Variants in SMARCE1 observed in about 807,000 individuals in gnomAD.
The protein encoded by SMARCE1 is SWI/SNF related BAF chromatin remodeling complex subunit E1.
In SMARCE1, 13 loss-of-function variants were observed where a neutral mutation model predicts 54.9. The observed-to-expected ratio is 0.24, with a 90% CI of 0.15 to 0.38. The LOEUF is 0.38. SMARCE1 is among the 10% of genes least tolerant of loss of function. The pLI, the probability that SMARCE1 is intolerant of heterozygous loss-of-function variation, is 1.00. For synonymous variants in SMARCE1, 151 were observed against 175.3 expected (o/e 0.86, Z 1.10); for missense variants, 295 against 523.8 (o/e 0.56, Z 4.26).
In SMARCE1 at chr17:40,635,964, A is replaced by G. The variant is rs2037142413; in HGVS notation, c.508T>C (p.Tyr170His). The change falls in exon 7 of 11, where the codon TAC (tyrosine) becomes CAC (histidine). Residue 170 changes from tyrosine to histidine, a missense_variant. Physicochemically the swap from Tyr to His is moderately conservative, Grantham distance 83. This residue lies in a region of SMARCE1 where 101 missense variants were observed against 183.1 expected (regional missense o/e 0.55). Transcript: ENST00000348513. ...TCTTCAGCAGGCTGAATGCTCATGT[A>G]CGGTTCTCCTTTCTCCATGCGAGAT... is the stretch of plus-strand genomic sequence containing the variant. ...RQSRMEKGEP[Y>H]MSIQPAEDPD... The G allele has an allele frequency of 6.2e-7, 1 of 1,611,406 alleles. No individual in the cohort carries two copies. The highest frequency in any genetic ancestry group is 1.7e-5 in the Admixed American group (1 of 59,478).
intron 9 of SMARCE1, 156 bp from the exon 10 acceptor site, chr17:40,631,080 G>C (rs896643947): frequency 6.6e-6 from 4 of 602,718 alleles, no homozygotes; most frequent in African/African-American, 5.6e-5. Context: ...TGTGGTTCTA[G>C]GTCTTCTCTG....
chr17:40,642,413 T>C lies in SMARCE1; in HGVS notation c.156+42A>G, dbSNP rs771728134. On this transcript the variant is annotated intron_variant, in intron 4 of 10. Coordinates refer to ENST00000348513, the MANE Select transcript of SMARCE1 (RefSeq NM_003079.5). The surrounding 1 kb of genome is among the most constrained non-coding windows in gnomAD (Gnocchi z 4.6). Reference sequence around the variant, plus strand: ...TAATTCTGAAGGCATTTCTGGTCAATTCCAGTTGTTTGCCGGATGCTGTAA... The same window carrying C: ...TAATTCTGAAGGCATTTCTGGTCAACTCCAGTTGTTTGCCGGATGCTGTAA... 2.5e-6 allele frequency: 3 copies of C among 1,209,876 alleles called. No homozygotes were observed. The highest frequency in any genetic ancestry group is 3.7e-6 in the Non-Finnish European group (3 of 810,948). 74.9% of individuals were successfully genotyped at this position (1,209,876 alleles called of 1,614,324 possible). A position where few individuals can be genotyped will look rare whatever the true frequency, so the allele number is the denominator to read the frequency against.
chr17:40,644,141 CAA>C (rs570764594), intron 3 of SMARCE1: 1 of 151,172 alleles, frequency 6.6e-6, no homozygotes, highest in Non-Finnish European at 1.5e-5. Context: ...TAAAGAAAGG[CAA>C]AAAAAATTCC....
At chr17:40,630,096 G>T in intron 10 of SMARCE1, 1 of 656,458 alleles carries the variant, frequency 1.5e-6, no homozygotes, top group Non-Finnish European at 2.7e-6. Context: ...GTACTAGGCA[G>T]TGTTAAAACA....
intron 4 of SMARCE1, chr17:40,641,045 C>T (rs902678604): frequency 2.0e-5 from 3 of 152,182 alleles, no homozygotes; most frequent in Non-Finnish European, 4.4e-5. Context: ...CATTTCTATT[C>T]CATTAACATA....
rs1241093541 is a variant in SMARCE1 at position 40,627,572 on chromosome 17, T to C, written c.*1213A>G. 5 of 152,470 alleles carry C rather than the reference T, an allele frequency of 3.3e-5. No individual in the cohort carries two copies. The highest frequency in any genetic ancestry group is 4.8e-5 in the African/African-American group (2 of 41,448). The allele number at this position is 152,470 out of a possible 1,614,324, so 9.4% of individuals were successfully genotyped here. A position where few individuals can be genotyped will look rare whatever the true frequency, so the allele number is the denominator to read the frequency against. ...AAGCTACTGCAGCAGTTTATAGAGATAGTTGGGTGAGACAAGGGCCCTGAG... is the reference window on the plus strand; with the variant it reads ...AAGCTACTGCAGCAGTTTATAGAGACAGTTGGGTGAGACAAGGGCCCTGAG... On this transcript the variant is annotated 3_prime_UTR_variant, in exon 11 of 11. Transcript: ENST00000348513.
intron 9 of SMARCE1, chr17:40,631,177 G>C (rs2037091566): frequency 2.4e-6 from 1 of 409,376 alleles, no homozygotes; most frequent in South Asian, 5.3e-5. Flanking sequence ...GCAAAATAGT[G>C]AAAGTTCTGG....
In SMARCE1 at chr17:40,631,965, C is replaced by A. The variant is rs763126850; in HGVS notation, c.714+230G>T. 5.5e-5 allele frequency: 30 copies of A among 545,314 alleles called. 1 individual carries two copies. Among genetic ancestry groups the A allele is most frequent in the African/African-American group, 1.5e-4 (8 of 52,886 alleles). The allele number at this position is 545,314 out of a possible 1,614,324, so 33.8% of individuals were successfully genotyped here. ...ATGCCTCAAAATTCTTAAGTTCACACGTATTTCTTAACGAATATACTTTCC... is the reference window on the plus strand; with the variant it reads ...ATGCCTCAAAATTCTTAAGTTCACAAGTATTTCTTAACGAATATACTTTCC... On this transcript the variant is annotated intron_variant, in intron 8 of 10. Transcript: ENST00000348513.
intron 10 of SMARCE1, chr17:40,630,256 G>A (rs541015011): frequency 5.8e-6 from 9 of 1,546,078 alleles, no homozygotes; most frequent in African/African-American, 5.5e-5. Context: ...AGAAGTAAGG[G>A]TTTTTCTAGG....
chr17:40,637,878 GT>G lies in SMARCE1; in HGVS notation c.157-307del, dbSNP rs568030076. 1,394 of 373,088 alleles carry G rather than the reference GT, an allele frequency of 3.7e-3. 7 individuals carry two copies. Among genetic ancestry groups the G allele is most frequent in the South Asian group, 0.013 (518 of 41,380 alleles). 23.1% of individuals were successfully genotyped at this position (373,088 alleles called of 1,614,324 possible). On this transcript the variant is annotated intron_variant, in intron 4 of 10. Coordinates refer to ENST00000348513, the MANE Select transcript of SMARCE1 (RefSeq NM_003079.5). Reference sequence around the variant, plus strand: ...TATGGTTATATATCAACCGTCTCAAGTTCAGGACATTACCTGGTACCCTCTT... The same window carrying G: ...TATGGTTATATATCAACCGTCTCAAGTCAGGACATTACCTGGTACCCTCTT...
intron 3 of SMARCE1, chr17:40,643,241 T>C (rs1463656635): frequency 6.6e-6 from 1 of 152,244 alleles, no homozygotes; most frequent in Admixed American, 6.5e-5. Flanking sequence ...CTGATCTTTT[T>C]AACCCAGTCA....
chr17:40,637,364 C>T (rs1303152152), intron 5 of SMARCE1, 128 bp downstream of exon 5: 4 of 767,172 alleles, frequency 5.2e-6, no homozygotes, highest in Non-Finnish European at 7.0e-6. Flanking sequence ...GCTTTAAAAA[C>T]CGTATTTTTT....
At chr17:40,637,265 A>C (rs901567839) in intron 5 of SMARCE1, 1 of 544,534 alleles carries the variant, frequency 1.8e-6, no homozygotes, top group African/African-American at 1.9e-5. Context: ...ATGGCTATAG[A>C]ACATTCTATC....
chr17:40,640,669 T>G (rs538441382), intron 4 of SMARCE1: 6 of 152,288 alleles, frequency 3.9e-5, no homozygotes, highest in African/African-American at 1.4e-4. Flanking sequence ...GTGTAAAACC[T>G]CCACATTTTC....
intron 7 of SMARCE1, chr17:40,633,478 A>G (rs2037116351): frequency 6.6e-6 from 1 of 152,160 alleles, no homozygotes; most frequent in Non-Finnish European, 1.5e-5. Context: ...TTAGTAATAC[A>G]TATTAAAACA....
intron 4 of SMARCE1, among the ~76,000 whole-genome samples, chr17:40,639,371 GT>G (rs1200632377): frequency 6.6e-6 from 1 of 152,076 alleles, no homozygotes; most frequent in Non-Finnish European, 1.5e-5. Flanking sequence ...TACAAATAAA[GT>G]TGGAATTGTG....
At chr17:40,640,180 T>C (rs1320772900) in intron 4 of SMARCE1, 1 of 152,214 alleles carries the variant, frequency 6.6e-6, no homozygotes, top group Non-Finnish European at 1.5e-5. Flanking sequence ...CAAGAACTTA[T>C]TTAAGAGCTT....
intron 1 of SMARCE1, 146 bp from the exon 2 acceptor site, chr17:40,645,993 A>G (rs2037251886): frequency 2.6e-6 from 1 of 391,570 alleles, no homozygotes; most frequent in African/African-American, 2.1e-5. Context: ...CCTTTTGTGT[A>G]TTTTAACTAG....
intron 10 of SMARCE1, 77 bp from the exon 11 acceptor site, chr17:40,629,070 T>C: frequency 1.6e-6 from 2 of 1,232,948 alleles, no homozygotes; most frequent in Non-Finnish European, 2.4e-6. Context: ...ACAGCTGTGC[T>C]GTCCAATATA....
Sources: gnomAD v4.1 joint callset for allele counts (sites outside exome capture counted in the v4.1 genomes callset) on GRCh38, gnomAD v4.1.1 for gene constraint, gnomAD v4.1.1 regional missense constraint, Gnocchi (gnomAD v3.1) non-coding constraint, MANE v1.5 for transcripts, NCBI Gene and HGNC (gene_info 2026-07-23, HGNC 2026-07-21) for gene names.